The following SNX31 variants were observed in gnomAD, a reference collection of about 807,000 sequenced individuals.
SNX31 encodes sorting nexin 31, also known as sorting nexin-31.
A neutral mutation model predicts 65.4 loss-of-function variants in SNX31; 58 were observed. The ratio of observed to expected loss-of-function variants is 0.89; its 90% CI spans 0.72 to 1.10. SNX31 has a LOEUF of 1.10. Ranked by LOEUF, SNX31 falls within the 50% of genes least tolerant of loss-of-function variation. The pLI is 0.00. For synonymous variants in SNX31, 181 were observed against 190.1 expected (o/e 0.95, Z 0.39); for missense variants, 523 against 529.7 (o/e 0.99, Z 0.12).
intron 10 of SNX31, among the ~76,000 whole-genome samples, chr8:100,595,902 G>A (rs1815039781): frequency 6.6e-6 from 1 of 152,188 alleles, no homozygotes; most frequent in African/African-American, 2.4e-5. Flanking sequence ...TTTCAGGAAT[G>A]CTCAGAGGGA....
chr8:100,617,739 A>C lies in SNX31; in HGVS notation c.322-9T>G, dbSNP rs769782679. ...GCGATGTCAAATGTATTCTATAAGC[A>C]AAAGAAAAGCAAAATAAATTTCCAC... is the stretch of plus-strand genomic sequence containing the variant. On this transcript the variant is annotated splice_polypyrimidine_tract_variant and intron_variant, in intron 4 of 13. Coordinates refer to ENST00000311812, the MANE Select transcript of SNX31 (RefSeq NM_152628.4). 2.7e-5 allele frequency: 42 copies of C among 1,584,692 alleles called. No homozygotes were observed. In the East Asian group the frequency reaches 8.9e-4, roughly 34 times the overall value.
upstream of SNX31, among the ~76,000 whole-genome samples, chr8:100,653,666 G>A (rs144819202): frequency 6.6e-6 from 1 of 152,202 alleles, no homozygotes; most frequent in African/African-American, 2.4e-5. Context: ...CCAGAACTAT[G>A]AGAGAATTCA....
At chr8:100,657,415 G>C (rs1820068860) in intron 1 of SNX31, among the ~76,000 whole-genome samples, 1 of 149,764 alleles carries the variant, frequency 6.7e-6, no homozygotes, top group African/African-American at 2.5e-5. Context: ...TCGCGCCATT[G>C]TGCTCCAGCC....
intron 11 of SNX31, among the ~76,000 whole-genome samples, chr8:100,586,213 G>A (rs954128912): frequency 5.3e-5 from 8 of 152,172 alleles, no homozygotes; most frequent in Non-Finnish European, 7.3e-5. Context: ...GAGCCACTGC[G>A]CCTGGCCAAC....
At chr8:100,620,075 G>A (rs1451189261) in intron 4 of SNX31, 1 of 152,186 alleles carries the variant, frequency 6.6e-6, no homozygotes, top group Admixed American at 6.5e-5. Flanking sequence ...TTAGATTCAA[G>A]GGGTACACTT....
chr8:100,606,437 T>C (rs1210789412), intron 8 of SNX31, among the ~76,000 whole-genome samples: 1 of 152,254 alleles, frequency 6.6e-6, no homozygotes, highest in Non-Finnish European at 1.5e-5. Flanking sequence ...TAATAAGTGA[T>C]ATTTTGATTT....
intron 3 of SNX31, among the ~76,000 whole-genome samples, chr8:100,632,748 G>T (rs1818494971): frequency 6.6e-6 from 1 of 151,254 alleles, no homozygotes; most frequent in Admixed American, 6.6e-5. Flanking sequence ...CCCCAGCCTG[G>T]GTGACATAGC....
At chr8:100,577,194 C>T (rs893535791) in intron 12 of SNX31, 119 bp from the exon 13 acceptor site, 23 of 818,592 alleles carry the variant, frequency 2.8e-5, no homozygotes, top group East Asian at 7.7e-5. Context: ...CAAAGGCTGC[C>T]GGTCAGCAGG....
At chr8:100,636,846 C>T (rs772864183) in intron 2 of SNX31, among the ~76,000 whole-genome samples, 1 of 152,042 alleles carries the variant, frequency 6.6e-6, no homozygotes, top group African/African-American at 2.4e-5. Flanking sequence ...CTCAGCCTCC[C>T]GAGTAGCTGG....
chr8:100,654,389 A>G (rs1259543875), upstream of SNX31, among the ~76,000 whole-genome samples: 1 of 152,222 alleles, frequency 6.6e-6, no homozygotes, highest in Non-Finnish European at 1.5e-5. Context: ...GAAGTCACAC[A>G]GTTTGTAAGA....
intron 11 of SNX31, among the ~76,000 whole-genome samples, chr8:100,587,776 T>C (rs1814184464): frequency 6.6e-6 from 1 of 152,226 alleles, no homozygotes; most frequent in African/African-American, 2.4e-5. Flanking sequence ...AAGGTGTATA[T>C]GAAACATAAT....
rs985187093 is a variant in SNX31 at position 100,611,636 on chromosome 8, G to A, written c.611+364C>T. On this transcript the variant is annotated intron_variant, in intron 7 of 13. Transcript: ENST00000311812. ...AGTGGTGTAATCTTGGCTCACTGCA[G>A]CCTCGATCTTCTGGGCTTAAGTGTG... 4.6e-5 allele frequency among the ~76,000 whole-genome samples: 7 copies of A among 152,190 alleles called. No individual in the cohort carries two copies. In the East Asian group the frequency reaches 5.8e-4, roughly 13 times the overall value.
At chr8:100,627,178 C>A (rs1818098265) in intron 4 of SNX31, among the ~76,000 whole-genome samples, 1 of 152,140 alleles carries the variant, frequency 6.6e-6, no homozygotes, top group African/African-American at 2.4e-5. Flanking sequence ...ATGGTAAAAT[C>A]CTGTCTCTAC....
At position 100,588,071 on chromosome 8, in the gene SNX31, T is replaced by C. The variant is rs1007288476; in HGVS notation, c.1092+795A>G. ...TGTAACACAATGATAAGTATGTGTA[T>C]CACCTAAACATAGAAAAGGTACTAC... On this transcript the variant is annotated intron_variant, in intron 11 of 13. Transcript: ENST00000311812. The surrounding 1 kb of genome is among the most constrained non-coding windows in gnomAD (Gnocchi z 4.8). 1.3e-5 allele frequency among the ~76,000 whole-genome samples: 2 copies of C among 151,642 alleles called. No individual in the cohort carries two copies. Among genetic ancestry groups the C allele is most frequent in the Admixed American group, 1.3e-4 (2 of 15,210 alleles).
At chr8:100,649,738 G>C, upstream of SNX31, 2 of 453,912 alleles carry the variant, frequency 4.4e-6, no homozygotes, top group Non-Finnish European at 7.8e-6. Flanking sequence ...TCTGGTCCCG[G>C]GATAGGTGGC....
chr8:100,643,885 G>A (rs892287035), intron 2 of SNX31, among the ~76,000 whole-genome samples: 9 of 152,114 alleles, frequency 5.9e-5, no homozygotes, highest in Non-Finnish European at 1.2e-4. Context: ...ACAAAAAGAG[G>A]AAGGAGCATG....
chr8:100,627,188 C>T (rs574669250), intron 4 of SNX31, among the ~76,000 whole-genome samples: 25 of 152,168 alleles, frequency 1.6e-4, no homozygotes, highest in African/African-American at 6.0e-4. Flanking sequence ...CCTGTCTCTA[C>T]TAAAAATACA....
Position 100,576,945 on chromosome 8 carries a change from C to T in SNX31, c.1227+74G>A, listed in dbSNP as rs1011722056. 1.6e-6 allele frequency: 2 copies of T among 1,241,830 alleles called. No individual in the cohort carries two copies. The highest frequency in any genetic ancestry group is 2.3e-6 in the Non-Finnish European group (2 of 864,738). 76.9% of individuals were successfully genotyped at this position (1,241,830 alleles called of 1,614,324 possible). ...TGACTTATTATTGAAAGTGAGATGACTTTGGTTAAAGAGGAAAAAAGATCA... is the reference window on the plus strand; with the variant it reads ...TGACTTATTATTGAAAGTGAGATGATTTTGGTTAAAGAGGAAAAAAGATCA... On this transcript the variant is annotated intron_variant, in intron 13 of 13. Transcript: ENST00000311812. The surrounding 1 kb of genome is among the most constrained non-coding windows in gnomAD (Gnocchi z 4.8).
intron 11 of SNX31, among the ~76,000 whole-genome samples, chr8:100,584,777 C>G (rs562858642): frequency 7.1e-6 from 1 of 140,026 alleles, no homozygotes; most frequent in South Asian, 2.3e-4. Flanking sequence ...CTGAGACAGT[C>G]TCACTCTGTC....
Sources: gnomAD v4.1 joint callset for allele counts (sites outside exome capture counted in the v4.1 genomes callset) on GRCh38, gnomAD v4.1.1 for gene constraint, Gnocchi (gnomAD v3.1) non-coding constraint, MANE v1.5 for transcripts, NCBI Gene and HGNC (gene_info 2026-07-23, HGNC 2026-07-21) for gene names.